Variants in TENM4 observed in about 807,000 individuals in gnomAD.
TENM4 encodes the protein teneurin-4.
In TENM4, 82 loss-of-function variants were observed where a neutral mutation model predicts 243.3. That is an observed-to-expected ratio of 0.34 (90% CI 0.28 to 0.40). The LOEUF is 0.40. Ranked by LOEUF, TENM4 falls within the 10% of genes least tolerant of loss-of-function variation. TENM4 has a pLI of 1.00. For missense variants in TENM4, 3,138 were observed against 3,673.3 expected (o/e 0.85, Z 3.77); for synonymous variants, 1,412 against 1,456.3 (o/e 0.97, Z 0.69).
chr11:79,262,005 T>C (rs1255127335), intron 2 of TENM4, among the ~76,000 whole-genome samples: 2 of 152,122 alleles, frequency 1.3e-5, no homozygotes, highest in African/African-American at 4.8e-5. Context: ...TTTGAAGAAA[T>C]AGCCTTCGGG....
intron 6 of TENM4, among the ~76,000 whole-genome samples, chr11:78,907,246 T>TC (rs1591119289): frequency 9.9e-6 from 1 of 100,854 alleles, no homozygotes; most frequent in African/African-American, 7.2e-5. Flanking sequence ...ATGGACTCCT[T>TC]TTTTTTTTTT....
At chr11:79,105,336 G>T (rs1458495959) in intron 4 of TENM4, among the ~76,000 whole-genome samples, 1 of 152,184 alleles carries the variant, frequency 6.6e-6, no homozygotes, top group Non-Finnish European at 1.5e-5. Context: ...CTGACACTGG[G>T]TGAAGAACTA....
chr11:78,946,740 A>G (rs1857008615), intron 6 of TENM4, among the ~76,000 whole-genome samples: 1 of 152,210 alleles, frequency 6.6e-6, no homozygotes, highest in Non-Finnish European at 1.5e-5. Flanking sequence ...TTTGGAAGAA[A>G]CTGATTCCAG....
chr11:78,867,176 GC>G (rs1194123753), intron 9 of TENM4, among the ~76,000 whole-genome samples: 1 of 151,950 alleles, frequency 6.6e-6, no homozygotes, highest in Non-Finnish European at 1.5e-5. Flanking sequence ...ACCCTGTTGT[GC>G]TATCAAATAG....
chr11:78,921,628 C>T (rs988605818), intron 6 of TENM4, among the ~76,000 whole-genome samples: 2 of 152,194 alleles, frequency 1.3e-5, no homozygotes, highest in African/African-American at 4.8e-5. Context: ...AGTAGACTGA[C>T]AGGGAAGGCC....
At chr11:79,002,559 C>T (rs76814036) in intron 6 of TENM4, among the ~76,000 whole-genome samples, 3,819 of 152,250 alleles carry the variant, frequency 0.025, 166 homozygotes, top group African/African-American at 0.087. Context: ...CCTCTAAAAT[C>T]TTCAAGAAAC....
rs147399234 is a variant in TENM4 at position 79,082,076 on chromosome 11, A to G, written c.-65-12067T>C. The stretch of plus-strand genomic sequence containing the variant: ...CTTATAACATCTCGATTCTTCCCCA[A>G]TGCTAAGAACAGCTTAGAGGTGCAT... On this transcript the variant is annotated intron_variant, in intron 4 of 33. Coordinates refer to ENST00000278550, the MANE Select transcript of TENM4 (RefSeq NM_001098816.3). Among the ~76,000 whole-genome samples the G allele has an allele frequency of 5.3e-5, 8 of 152,258 alleles. No individual in the cohort carries two copies. In the East Asian group the frequency reaches 1.4e-3, roughly 26 times the overall value.
rs1470368948 is a variant in TENM4 at position 79,438,284 on chromosome 11, G to A, written c.-321+2225C>T. ...AGATTTAAAAGCATACTCTTACTGT[G>A]GTTTCTCTATCAAAGCCCATCAACG... On this transcript the variant is annotated intron_variant, in intron 1 of 33. Transcript: ENST00000278550. This position sits in a 1 kb window ranked among gnomAD's most constrained non-coding sequence, Gnocchi z 4.1. Among the ~76,000 whole-genome samples the A allele has an allele frequency of 1.3e-5, 2 of 152,162 alleles. No homozygotes were observed. Among genetic ancestry groups the A allele is most frequent in the South Asian group, 2.1e-4 (1 of 4,830 alleles).
intron 28 of TENM4, among the ~76,000 whole-genome samples, chr11:78,690,063 G>A (rs1858781348): frequency 6.6e-6 from 1 of 152,036 alleles, no homozygotes; most frequent in Non-Finnish European, 1.5e-5. Context: ...AAAAACCCAT[G>A]TCCTGCCATG....
intron 2 of TENM4, among the ~76,000 whole-genome samples, chr11:79,289,201 T>C (rs542325264): frequency 2.0e-5 from 3 of 152,196 alleles, no homozygotes; most frequent in Non-Finnish European, 4.4e-5. Context: ...ATCCAAAGTA[T>C]TGTGTTTGAA....
intron 14 of TENM4, among the ~76,000 whole-genome samples, chr11:78,806,091 A>G (rs1351453257): frequency 6.6e-6 from 1 of 151,946 alleles, no homozygotes; most frequent in Non-Finnish European, 1.5e-5. Flanking sequence ...GGGGTTTGAG[A>G]CCAGCCTGGG....
intron 6 of TENM4, among the ~76,000 whole-genome samples, chr11:78,910,394 C>T (rs1856159487): frequency 6.6e-6 from 1 of 152,242 alleles, no homozygotes; most frequent in South Asian, 2.1e-4. Context: ...ATGCCATCGA[C>T]TACCACTGAC....
At chr11:79,318,681 G>A (rs956902145) in intron 1 of TENM4, among the ~76,000 whole-genome samples, 1 of 152,202 alleles carries the variant, frequency 6.6e-6, no homozygotes, top group African/African-American at 2.4e-5. Context: ...GTATAATGTA[G>A]TAAAATAACC....
At chr11:78,805,234 C>T in intron 15 of TENM4, 58 bp downstream of exon 15, 1 of 1,209,488 alleles carries the variant, frequency 8.3e-7, no homozygotes, top group Non-Finnish European at 1.2e-6. Context: ...TGATTGGTGA[C>T]CATGTCACAG....
At chr11:79,342,490 C>A (rs1183746998) in intron 1 of TENM4, among the ~76,000 whole-genome samples, 1 of 152,092 alleles carries the variant, frequency 6.6e-6, no homozygotes, top group Admixed American at 6.5e-5. Context: ...GCGGGCCACA[C>A]AGAAATAAGG....
intron 19 of TENM4, among the ~76,000 whole-genome samples, chr11:78,739,765 A>G (rs1416738911): frequency 1.3e-5 from 2 of 152,112 alleles, no homozygotes; most frequent in Non-Finnish European, 2.9e-5. Flanking sequence ...TTTGAAGGCA[A>G]CTCTGTGGAG....
At chr11:79,051,664 T>A (rs918556711) in intron 6 of TENM4, among the ~76,000 whole-genome samples, 8 of 152,282 alleles carry the variant, frequency 5.3e-5, no homozygotes, top group African/African-American at 1.9e-4. Flanking sequence ...ACCCCTGTTT[T>A]TCTTCTTCAA....
At chr11:79,278,909 C>A (rs1282082928) in intron 2 of TENM4, among the ~76,000 whole-genome samples, 3 of 152,160 alleles carry the variant, frequency 2.0e-5, no homozygotes, top group Non-Finnish European at 4.4e-5. Context: ...ACCAACAGAG[C>A]CTAAAGGGAA....
chr11:78,670,517 T>C lies in TENM4; in HGVS notation c.5828A>G (p.Tyr1943Cys). 6.2e-7 allele frequency: 1 copy of C among 1,612,262 alleles called. No individual in the cohort carries two copies. The highest frequency in any genetic ancestry group is 8.5e-7 in the Non-Finnish European group (1 of 1,179,338). ...GTCATTCTTGTCGAACTCAAAGATA[T>C]ACTGCCTCTGGCTGTGTAGTAGCAG... ...MVLLLHSQRQYIFEFDKNDRL... is the reference protein window; with the variant it reads ...MVLLLHSQRQCIFEFDKNDRL... The change falls in exon 32 of 34, where the codon TAT becomes TGT. Residue 1943 changes from tyrosine (Y) to cysteine (C), a missense_variant. Physicochemically the swap from Tyr to Cys is radical, Grantham distance 194. Coordinates refer to ENST00000278550, the MANE Select transcript of TENM4 (RefSeq NM_001098816.3).
Sources: allele counts gnomAD v4.1 joint callset (sites outside exome capture counted in the v4.1 genomes callset), GRCh38; gene constraint gnomAD v4.1.1; non-coding constraint Gnocchi (gnomAD v3.1); transcripts MANE v1.5; gene names NCBI Gene and HGNC (gene_info 2026-07-23, HGNC 2026-07-21).